PRG3: variants seen among roughly 807,000 people sequenced by gnomAD.
PRG3 encodes proteoglycan 3.
PRG3 carries 25 observed loss-of-function variants against 26.1 expected under a neutral mutation model. That is an observed-to-expected ratio of 0.96 (90% CI 0.70 to 1.34). PRG3 has a LOEUF of 1.34. Among genes scored for constraint, PRG3 ranks in the 40% most tolerant of loss-of-function variants. PRG3 has a pLI of 0.00. For synonymous variants in PRG3, 111 were observed against 100.4 expected (o/e 1.11, Z -0.63); for missense variants, 280 against 264.8 (o/e 1.06, Z -0.40).
At chr11:57,380,603 A>G (rs201090432) in intron 2 of PRG3, 45 bp downstream of exon 2, 3 of 1,488,030 alleles carry the variant, frequency 2.0e-6, no homozygotes, top group East Asian at 2.5e-5. Context: ...TGTAGGAAAA[A>G]GGAAAAAAGG....
intron 4 of PRG3, 55 bp downstream of exon 4, chr11:57,378,626 A>G (rs1359281342): frequency 9.4e-6 from 15 of 1,599,504 alleles, no homozygotes; most frequent in Non-Finnish European, 1.3e-5. Flanking sequence ...ATCAGATGCT[A>G]CTTTAACACA....
intron 4 of PRG3, 75 bp downstream of exon 4, chr11:57,378,606 G>A: frequency 2.5e-6 from 4 of 1,569,880 alleles, no homozygotes; most frequent in Non-Finnish European, 3.5e-6. Flanking sequence ...CTGGCCTGAG[G>A]CTTGGCACCA....
rs892444388 is a variant in PRG3, at chr11:57,380,660, C to G, written c.49G>C (p.Ala17Pro). 3 of 1,578,784 alleles carry G rather than the reference C, an allele frequency of 1.9e-6. No individual in the cohort carries two copies. In the Admixed American group the frequency reaches 5.9e-5, roughly 31 times the overall value. Residue 17 changes from alanine (A) to proline (P), a missense_variant, in exon 2 of 6, where the codon GCT becomes CCT. By Grantham distance (27) the Ala-to-Pro change is conservative. Transcript: ENST00000287143. ...GGGAGAGACTTACCCAGATGAAGAG[C>G]AGAAACTGTTCCCAGCAGGAGAAAG... Reference protein sequence around the residue: ...LPFLLLGTVSALHLENDAPHL... With the variant: ...LPFLLLGTVSPLHLENDAPHL...
chr11:57,376,796 A>C lies in PRG3; in HGVS notation c.*54T>G. 6.4e-7 allele frequency: 1 copy of C among 1,563,612 alleles called. No homozygotes were observed. Among genetic ancestry groups the C allele is most frequent in the Non-Finnish European group, 8.8e-7 (1 of 1,136,534 alleles). ...CTGTGGGAAGTCTGGATTTATGAGC[A>C]GGAGAGGTTGGGGGACGGGAGGGAG... On this transcript the variant is annotated 3_prime_UTR_variant, in exon 6 of 6. Transcript: ENST00000287143.
At chr11:57,380,584 G>T (rs926764030) in intron 2 of PRG3, 64 bp downstream of exon 2, 78 of 1,398,542 alleles carry the variant, frequency 5.6e-5, no homozygotes, top group Non-Finnish European at 7.3e-5. Flanking sequence ...AAAAGCGGGG[G>T]GAGGGGAGTG....
At chr11:57,377,673 A>G in intron 5 of PRG3, 52 bp downstream of exon 5, 1 of 1,458,474 alleles carries the variant, frequency 6.9e-7, no homozygotes, top group Non-Finnish European at 9.5e-7. Context: ...GGGTAGTATT[A>G]AGAATCCACT....
intron 4 of PRG3, among the ~76,000 whole-genome samples, 181 bp from the exon 5 acceptor site, chr11:57,378,017 G>A (rs1039084766): frequency 1.3e-5 from 2 of 152,196 alleles, no homozygotes; most frequent in Non-Finnish European, 2.9e-5. Context: ...ATCACACAGA[G>A]CAGGCTTCTC....
intron 5 of PRG3, 30 bp from the exon 6 acceptor site, chr11:57,376,938 C>T (rs1856951101): frequency 1.2e-6 from 2 of 1,610,774 alleles, no homozygotes; most frequent in Non-Finnish European, 1.7e-6. Context: ...TGAAGTCCAC[C>T]GCCCTGCGGG....
chr11:57,377,874 C>G, intron 4 of PRG3, 38 bp from the exon 5 acceptor site: 1 of 1,550,546 alleles, frequency 6.4e-7, no homozygotes, highest in African/African-American at 1.4e-5. Context: ...GGCAGAAGTT[C>G]AGATCCAGGA....
intron 2 of PRG3, 79 bp from the exon 3 acceptor site, chr11:57,379,886 C>A: frequency 1.5e-6 from 2 of 1,315,674 alleles, no homozygotes; most frequent in Non-Finnish European, 1.0e-6. Flanking sequence ...CAACGTCGCT[C>A]GAGCTTTCCT....
intron 5 of PRG3, 138 bp downstream of exon 5, chr11:57,377,587 C>T (rs770705138): frequency 1.4e-6 from 1 of 698,196 alleles, no homozygotes; most frequent in Non-Finnish European, 2.4e-6. Flanking sequence ...TCTCAGCCCT[C>T]CTTACACACA....
chr11:57,377,021 C>G (rs1856951720), intron 5 of PRG3, 113 bp from the exon 6 acceptor site: 1 of 1,073,566 alleles, frequency 9.3e-7, no homozygotes, highest in South Asian at 1.3e-5. Context: ...TCGTCATCTG[C>G]CAGCTGTGTG....
chr11:57,376,780 G>A lies in PRG3; in HGVS notation c.*70C>T. 6.6e-7 allele frequency: 1 copy of A among 1,508,694 alleles called. No individual in the cohort carries two copies. The highest frequency in any genetic ancestry group is 9.2e-7 in the Non-Finnish European group (1 of 1,087,918). The allele number at this position is 1,508,694 out of a possible 1,614,324, so 93.5% of individuals were successfully genotyped here. A position where few individuals can be genotyped will look rare whatever the true frequency, so the allele number is the denominator to read the frequency against. Reference sequence around the variant, plus strand: ...CGAGAGTCAGGAAATGCTGTGGGAAGTCTGGATTTATGAGCAGGAGAGGTT... The same window carrying A: ...CGAGAGTCAGGAAATGCTGTGGGAAATCTGGATTTATGAGCAGGAGAGGTT... On this transcript the variant is annotated 3_prime_UTR_variant, in exon 6 of 6. Transcript: ENST00000287143.
Position 57,378,750 on chromosome 11 carries a change from A to AT in PRG3, c.437dup (p.Tyr146Ter), listed in dbSNP as rs779684439. 1.9e-6 allele frequency: 3 copies of AT among 1,613,826 alleles called. No homozygotes were observed. The highest frequency in any genetic ancestry group is 2.5e-6 in the Non-Finnish European group (3 of 1,179,920). Residue 146 changes from tyrosine (Y) to a stop codon, truncating the protein, a stop_gained and frameshift_variant, in exon 4 of 6, where the codon TAT (tyrosine) becomes TAAT (stop). Coordinates refer to ENST00000287143, the MANE Select transcript of PRG3 (RefSeq NM_006093.4). LOFTEE classifies it high-confidence loss of function. ...LVSIHDFNFN[Y>*]RIQCCTSTVN... ...CTGTGCTAGTGCAGCACTGAATGCG[A>AT]TAGTTGAAGTTGAAGTCATGGATAG... is the stretch of plus-strand genomic sequence containing the variant.
In PRG3 at chr11:57,377,774, T is replaced by G. The variant is rs748871004; in HGVS notation, c.570A>C (p.Pro190=). ...GSHWNFAYWS[P]GQPGNGQGSC... ...AGCCTTGCCCATTCCCAGGTTGCCC[T>G]GGGGACCAGTAAGCAAAATTCCAGT... Residue 190 remains proline, a synonymous_variant, in exon 5 of 6, where the codon CCA becomes CCC. Coordinates refer to ENST00000287143, the MANE Select transcript of PRG3 (RefSeq NM_006093.4). 1.9e-6 allele frequency: 3 copies of G among 1,613,022 alleles called. No homozygotes were observed. Among genetic ancestry groups the G allele is most frequent in the Non-Finnish European group, 1.7e-6 (2 of 1,179,962 alleles).
At chr11:57,377,946 T>A in intron 4 of PRG3, 110 bp from the exon 5 acceptor site, 1 of 785,512 alleles carries the variant, frequency 1.3e-6, no homozygotes, top group Non-Finnish European at 2.1e-6. Flanking sequence ...CCAGACACCC[T>A]AGAGAGCCAT....
intron 5 of PRG3, 89 bp downstream of exon 5, chr11:57,377,636 G>T: frequency 9.3e-7 from 1 of 1,077,212 alleles, no homozygotes; most frequent in African/African-American, 1.6e-5. Context: ...GTCTGAGTTT[G>T]GGGAGGTGTG....
intron 4 of PRG3, among the ~76,000 whole-genome samples, chr11:57,378,417 G>C (rs1407165653): frequency 1.3e-5 from 2 of 152,152 alleles, no homozygotes; most frequent in Non-Finnish European, 2.9e-5. Context: ...AAGGAGCCCT[G>C]ATGTGTAGCA....
chr11:57,378,739 C>T lies in PRG3; in HGVS notation c.449G>A (p.Cys150Tyr). The change falls in exon 4 of 6, where the codon TGC becomes TAC. Residue 150 changes from cysteine to tyrosine, a missense_variant. Transcript: ENST00000287143. ...HDFNFNYRIQ[C>Y]CTSTVNQAQV... ...GGCTTGGTTGACTGTGCTAGTGCAG[C>T]ACTGAATGCGATAGTTGAAGTTGAA... 7 of 1,613,854 alleles carry T rather than the reference C, an allele frequency of 4.3e-6. No individual in the cohort carries two copies. The highest frequency in any genetic ancestry group is 5.9e-6 in the Non-Finnish European group (7 of 1,179,924).
Sources: gnomAD v4.1 joint callset for allele counts (sites outside exome capture counted in the v4.1 genomes callset) on GRCh38, gnomAD v4.1.1 for gene constraint, MANE v1.5 for transcripts, NCBI Gene and HGNC (gene_info 2026-07-23, HGNC 2026-07-21) for gene names.